PRLR: variants seen among roughly 807,000 people sequenced by gnomAD.
PRLR encodes the protein hPRL receptor.
PRLR carries 13 observed loss-of-function variants against 40.2 expected under a neutral mutation model. The ratio of observed to expected loss-of-function variants is 0.32; its 90% CI spans 0.21 to 0.51. The LOEUF (loss-of-function observed/expected upper bound fraction) is 0.51, where lower values mean the gene tolerates loss of function less well. PRLR is among the 20% of genes least tolerant of loss of function. The pLI is 0.97. For synonymous variants in PRLR, 269 were observed against 278.7 expected, an observed-to-expected ratio of 0.97 and a Z score of 0.35; for missense variants, 656 against 747.3, an observed-to-expected ratio of 0.88 and a Z score of 1.42.
chr5:35,213,340 C>A (rs1435247465), intron 1 of PRLR, among the ~76,000 whole-genome samples: 1 of 152,202 alleles, frequency 6.6e-6, no homozygotes, highest in Non-Finnish European at 1.5e-5. Context: ...CATGTAATTT[C>A]TACTTTAAAA....
chr5:35,116,668 G>A (rs115454073), intron 2 of PRLR, among the ~76,000 whole-genome samples: 4,203 of 152,238 alleles, frequency 0.028, 95 homozygotes, highest in Admixed American at 0.069. Flanking sequence ...AAGCCAAGAC[G>A]GGAGAAAGCA....
intron 1 of PRLR, among the ~76,000 whole-genome samples, chr5:35,205,517 A>G (rs1302770748): frequency 6.7e-6 from 1 of 148,486 alleles, no homozygotes; most frequent in Non-Finnish European, 1.5e-5. Flanking sequence ...CATTTCAAAC[A>G]AGCACAGCAT....
intron 4 of PRLR, among the ~76,000 whole-genome samples, chr5:35,085,875 G>T (rs895905631): frequency 1.2e-4 from 19 of 152,188 alleles, no homozygotes; most frequent in Admixed American, 3.9e-4. Context: ...TGACCCTTCT[G>T]CTGGTGACAG....
At chr5:35,137,632 G>A (rs1773899048) in intron 1 of PRLR, among the ~76,000 whole-genome samples, 1 of 152,198 alleles carries the variant, frequency 6.6e-6, no homozygotes, top group Non-Finnish European at 1.5e-5. Context: ...ATCATGAAAG[G>A]TTATTCTCTG....
intron 1 of PRLR, among the ~76,000 whole-genome samples, chr5:35,154,384 T>G (rs1480604191): frequency 6.6e-6 from 1 of 152,236 alleles, no homozygotes; most frequent in African/African-American, 2.4e-5. Context: ...ATTTTGTAGT[T>G]ATTTAGTATC....
At chr5:35,135,138 G>A (rs1561326435) in intron 1 of PRLR, among the ~76,000 whole-genome samples, 1 of 149,048 alleles carries the variant, frequency 6.7e-6, no homozygotes, top group Non-Finnish European at 1.5e-5. Flanking sequence ...TTGAAATGAA[G>A]ACTTAGGAAA....
At chr5:35,210,714 T>C (rs1776147887) in intron 1 of PRLR, among the ~76,000 whole-genome samples, 1 of 152,126 alleles carries the variant, frequency 6.6e-6, no homozygotes, top group Admixed American at 6.5e-5. Flanking sequence ...CAGAGATCTC[T>C]TCCTCTTTTT....
chr5:35,102,505 C>CCTCTT (rs1771959332), intron 2 of PRLR, among the ~76,000 whole-genome samples: 1 of 120,558 alleles, frequency 8.3e-6, no homozygotes. Flanking sequence ...CCACTCCTCT[C>CCTCTT]CTCTCCTCTC....
chr5:35,171,021 G>A (rs886355394), intron 1 of PRLR, among the ~76,000 whole-genome samples: 4 of 150,940 alleles, frequency 2.7e-5, no homozygotes, highest in East Asian at 1.9e-4. Flanking sequence ...CCTCTTTTCC[G>A]GCTTGTTTCT....
intron 1 of PRLR, among the ~76,000 whole-genome samples, chr5:35,211,987 T>G (rs566128214): frequency 6.6e-6 from 1 of 152,056 alleles, no homozygotes; most frequent in Non-Finnish European, 1.5e-5. Context: ...AAGAGCAGAG[T>G]TGAGGAATTG....
intron 5 of PRLR, among the ~76,000 whole-genome samples, chr5:35,080,130 C>G (rs1327581903): frequency 2.0e-5 from 3 of 152,132 alleles, no homozygotes; most frequent in Non-Finnish European, 4.4e-5. Context: ...TAGGCATGGG[C>G]AAGGACTTCA....
chr5:35,071,958 C>A (rs1010733578), intron 6 of PRLR, among the ~76,000 whole-genome samples: 1 of 150,860 alleles, frequency 6.6e-6, no homozygotes, highest in Non-Finnish European at 1.5e-5. Flanking sequence ...TGCAATGGCG[C>A]GATTTCAGCT....
intron 1 of PRLR, among the ~76,000 whole-genome samples, chr5:35,136,844 T>C (rs1189760790): frequency 1.1e-4 from 16 of 152,124 alleles, no homozygotes; most frequent in Admixed American, 9.8e-4. Context: ...TTCACAGTTC[T>C]GGGTTGGGGT....
chr5:35,129,333 C>T (rs1021523745), intron 1 of PRLR, among the ~76,000 whole-genome samples: 1 of 152,114 alleles, frequency 6.6e-6, no homozygotes, highest in African/African-American at 2.4e-5. Context: ...CAAATTGTAT[C>T]CTTTGGATTG....
chr5:35,170,732 G>A (rs1774974601), intron 1 of PRLR, among the ~76,000 whole-genome samples: 1 of 152,144 alleles, frequency 6.6e-6, no homozygotes, highest in Non-Finnish European at 1.5e-5. Flanking sequence ...AAGCCCCTTT[G>A]CCTATAAATT....
intron 5 of PRLR, among the ~76,000 whole-genome samples, chr5:35,077,642 C>A (rs569512215): frequency 1.3e-5 from 2 of 152,132 alleles, no homozygotes; most frequent in Non-Finnish European, 2.9e-5. Context: ...TTAGACAGAT[C>A]GACGACACAG....
downstream of PRLR, among the ~76,000 whole-genome samples, chr5:35,051,075 G>A (rs1296236172): frequency 6.6e-6 from 1 of 152,116 alleles, no homozygotes; most frequent in African/African-American, 2.4e-5. Flanking sequence ...AAGTCCTTTT[G>A]TTTATTTATT....
intron 1 of PRLR, among the ~76,000 whole-genome samples, chr5:35,200,921 C>A (rs993923397): frequency 8.5e-5 from 13 of 152,198 alleles, no homozygotes; most frequent in South Asian, 4.1e-4. Flanking sequence ...AGTACTTCAT[C>A]TGCAGATTGT....
intron 5 of PRLR, among the ~76,000 whole-genome samples, chr5:35,078,571 C>T (rs1209267908): frequency 6.6e-6 from 1 of 151,130 alleles, no homozygotes; most frequent in Non-Finnish European, 1.5e-5. Context: ...AATAGCCTAC[C>T]AACCAAAAAA....
Sources: gnomAD v4.1 joint callset for allele counts (sites outside exome capture counted in the v4.1 genomes callset) on GRCh38, gnomAD v4.1.1 for gene constraint, MANE v1.5 for transcripts, NCBI Gene and HGNC (gene_info 2026-07-23, HGNC 2026-07-21) for gene names.